PDSS2: variants seen among roughly 807,000 people sequenced by gnomAD.
PDSS2 encodes decaprenyl diphosphate synthase subunit 2.
In PDSS2, 31 loss-of-function variants were observed where a neutral mutation model predicts 44.5. The ratio of observed to expected loss-of-function variants is 0.70; its 90% CI spans 0.52 to 0.94. The LOEUF is 0.94. Ranked by LOEUF, PDSS2 falls within the 40% of genes least tolerant of loss-of-function variation. The pLI is 0.00. For missense variants in PDSS2, 452 were observed against 482.2 expected (o/e 0.94, Z 0.59); for synonymous variants, 157 against 180.3 (o/e 0.87, Z 1.03).
At chr6:107,199,541 C>T (rs1772696612) in intron 6 of PDSS2, among the ~76,000 whole-genome samples, 1 of 152,336 alleles carries the variant, frequency 6.6e-6, no homozygotes, top group East Asian at 1.9e-4. Context: ...TGCAACTGAT[C>T]CTCCTGCCTT....
At chr6:107,206,499 A>G (rs1772982917) in intron 6 of PDSS2, among the ~76,000 whole-genome samples, 1 of 152,214 alleles carries the variant, frequency 6.6e-6, no homozygotes, top group African/African-American at 2.4e-5. Flanking sequence ...ATTTTACAGA[A>G]AAGAATAATG....
At chr6:107,270,938 A>C (rs10214819) in intron 3 of PDSS2, among the ~76,000 whole-genome samples, 29,319 of 152,182 alleles carry the variant, frequency 0.19, 2,990 homozygotes, top group East Asian at 0.21. Flanking sequence ...AACTGCTTTC[A>C]AAGTTCTTCT....
At chr6:107,194,490 T>C (rs1403162194) in intron 6 of PDSS2, among the ~76,000 whole-genome samples, 1 of 152,240 alleles carries the variant, frequency 6.6e-6, no homozygotes, top group African/African-American at 2.4e-5. Context: ...TCTTTCTTCA[T>C]TGCGTCATTT....
At chr6:107,163,671 C>T (rs1050677152) in intron 7 of PDSS2, among the ~76,000 whole-genome samples, 52 of 151,024 alleles carry the variant, frequency 3.4e-4, no homozygotes, top group African/African-American at 1.2e-3. Context: ...GGCATGGTTT[C>T]GGCTCACTGA....
intron 1 of PDSS2, among the ~76,000 whole-genome samples, chr6:107,337,076 C>T (rs953305629): frequency 1.5e-5 from 2 of 137,062 alleles, no homozygotes; most frequent in African/African-American, 2.6e-5. Flanking sequence ...CACACACACA[C>T]AAATAATAAT....
chr6:107,204,703 C>T (rs74380846), intron 6 of PDSS2, among the ~76,000 whole-genome samples: 2 of 152,160 alleles, frequency 1.3e-5, no homozygotes, highest in African/African-American at 4.8e-5. Context: ...CTTGACTTTT[C>T]CAACTGAACA....
At position 107,409,604 on chromosome 6, in the gene PDSS2, C is replaced by G. The variant is rs185160987; in HGVS notation, c.296+49386G>C. ...TCAGAATTCTTCCTTAAACTTAACC[C>G]AGTTAACGTATTCACCATCAATATA... On this transcript the variant is annotated intron_variant, in intron 1 of 7. Transcript: ENST00000369037. Among the ~76,000 whole-genome samples the G allele has an allele frequency of 3.9e-5, 6 of 152,246 alleles. 1 individual carries two copies. Among genetic ancestry groups the G allele is most frequent in the African/African-American group, 1.4e-4 (6 of 41,546 alleles).
chr6:107,212,046 G>A, intron 5 of PDSS2, 63 bp downstream of exon 5: 12 of 1,374,576 alleles, frequency 8.7e-6, no homozygotes, highest in Non-Finnish European at 1.2e-5. Context: ...AATGGCAAAA[G>A]GTTTCTTGTG....
At chr6:107,375,773 C>G (rs940810256) in intron 1 of PDSS2, among the ~76,000 whole-genome samples, 4 of 152,140 alleles carry the variant, frequency 2.6e-5, no homozygotes, top group African/African-American at 7.2e-5. Context: ...ATCAGATGCA[C>G]AAATCCTCAA....
chr6:107,319,620 T>A (rs1162358254), intron 2 of PDSS2, among the ~76,000 whole-genome samples: 1 of 152,216 alleles, frequency 6.6e-6, no homozygotes, highest in Non-Finnish European at 1.5e-5. Flanking sequence ...GAGGTCCAAG[T>A]TACCTTGCCT....
intron 1 of PDSS2, among the ~76,000 whole-genome samples, chr6:107,355,482 G>A (rs1392480607): frequency 6.6e-6 from 1 of 152,060 alleles, no homozygotes; most frequent in South Asian, 2.1e-4. Flanking sequence ...ATAAACTACT[G>A]TCAATTCTGG....
intron 3 of PDSS2, among the ~76,000 whole-genome samples, chr6:107,268,705 G>A (rs898352750): frequency 2.6e-5 from 4 of 152,002 alleles, no homozygotes; most frequent in Admixed American, 1.3e-4. Context: ...AAAACTGCCC[G>A]CAATATTCTT....
chr6:107,429,901 A>AAAAAAAAATATAT (rs1166637352), intron 1 of PDSS2, among the ~76,000 whole-genome samples: 17 of 31,830 alleles, frequency 5.3e-4, no homozygotes, highest in Non-Finnish European at 5.3e-4. Flanking sequence ...AAAAAAAAAA[A>AAAAAAAAATATAT]ATATATATAT....
chr6:107,297,558 T>C (rs1776551814), intron 2 of PDSS2, among the ~76,000 whole-genome samples: 1 of 151,474 alleles, frequency 6.6e-6, no homozygotes, highest in Admixed American at 6.6e-5. Flanking sequence ...AATTTTTGTA[T>C]TTTAGTAGAG....
chr6:107,352,366 T>C (rs1778458429), intron 1 of PDSS2, among the ~76,000 whole-genome samples: 1 of 152,212 alleles, frequency 6.6e-6, no homozygotes, highest in South Asian at 2.1e-4. Flanking sequence ...GAATATGGAC[T>C]TCCTCCCATT....
chr6:107,334,911 C>T (rs1000724094), intron 1 of PDSS2, among the ~76,000 whole-genome samples: 2 of 151,970 alleles, frequency 1.3e-5, no homozygotes, highest in Non-Finnish European at 2.9e-5. Flanking sequence ...AATCCCAGTG[C>T]TTTGGGGGGC....
At chr6:107,162,321 C>T (rs112734433) in intron 7 of PDSS2, among the ~76,000 whole-genome samples, 4 of 151,742 alleles carry the variant, frequency 2.6e-5, no homozygotes, top group African/African-American at 9.7e-5. Context: ...ATGGTGTAAC[C>T]CCATCTCTAC....
chr6:107,445,944 C>T (rs545676461), intron 1 of PDSS2, among the ~76,000 whole-genome samples: 22 of 152,302 alleles, frequency 1.4e-4, no homozygotes, highest in African/African-American at 5.3e-4. Context: ...CTGTCTCTGT[C>T]TGTCTGTTTC....
At chr6:107,437,936 T>G (rs1333195833) in intron 1 of PDSS2, among the ~76,000 whole-genome samples, 1 of 152,200 alleles carries the variant, frequency 6.6e-6, no homozygotes, top group African/African-American at 2.4e-5. Context: ...GGCTCTAGTT[T>G]CTAGGGCTAA....
Sources: allele counts gnomAD v4.1 joint callset (sites outside exome capture counted in the v4.1 genomes callset), GRCh38; gene constraint gnomAD v4.1.1; transcripts MANE v1.5; gene names NCBI Gene and HGNC (gene_info 2026-07-23, HGNC 2026-07-21).